Variants in ADCY1 observed in about 807,000 individuals in gnomAD.
The protein encoded by ADCY1 is adenylate cyclase type 1.
Under a neutral mutation model 105.4 loss-of-function variants are expected in ADCY1, and 28 were observed. The observed-to-expected ratio is 0.27, with a 90% confidence interval of 0.20 to 0.36. The LOEUF (loss-of-function observed/expected upper bound fraction) is 0.36. Among genes scored for constraint, ADCY1 ranks in the 10% least tolerant of loss-of-function variants. The probability of loss-of-function intolerance (pLI) is 1.00; values close to 1 mark genes in which losing one functional copy is unlikely to be tolerated. For missense variants in ADCY1, 977 were observed against 1,434.2 expected (o/e 0.68, Z 5.15); for synonymous variants, 655 against 623.8 (o/e 1.05, Z -0.75).
chr7:45,610,768 T>TGGTG lies in ADCY1; in HGVS notation c.908+271_908+272insGGTG, dbSNP rs879886055. Among the ~76,000 whole-genome samples, 4,580 of 141,028 alleles carry TGGTG rather than the reference T, an allele frequency of 0.032. 573 individuals carry two copies. Among genetic ancestry groups the TGGTG allele is most frequent in the East Asian group, 0.036 (165 of 4,544 alleles). The allele number at this position is 141,028 out of a possible 152,430, so 92.5% of individuals were successfully genotyped here. A position where few individuals can be genotyped will look rare whatever the true frequency, so the allele number is the denominator to read the frequency against. ...GGTGATGATGGAGGTGTAGAGGTGATAGTGGAGGTGTGGGGGTGATGGTGG... is the reference window on the plus strand; with the variant it reads ...GGTGATGATGGAGGTGTAGAGGTGATGGTGAGTGGAGGTGTGGGGGTGATGGTGG... On this transcript the variant is annotated intron_variant, in intron 3 of 19. Transcript: ENST00000297323.
intron 2 of ADCY1, among the ~76,000 whole-genome samples, chr7:45,605,242 TTTGTAACATCCA>T (rs1430444904): frequency 6.6e-6 from 1 of 152,168 alleles, no homozygotes; most frequent in Non-Finnish European, 1.5e-5. Flanking sequence ...TGTTTCTGCT[TTTGTAACATCCA>T]TTGTATTTCC....
intron 4 of ADCY1, among the ~76,000 whole-genome samples, chr7:45,635,138 G>GTT (rs59397788): frequency 0.087 from 12,608 of 145,738 alleles, 637 homozygotes; most frequent in South Asian, 0.16. Context: ...AGTGAGGTCA[G>GTT]TTTTTTTTTT....
At chr7:45,652,994 A>G (rs1330895293) in intron 5 of ADCY1, among the ~76,000 whole-genome samples, 1 of 152,186 alleles carries the variant, frequency 6.6e-6, no homozygotes, top group East Asian at 1.9e-4. Flanking sequence ...CTCTCTCTCA[A>G]ACTTGGGCTC....
chr7:45,632,908 C>T (rs1794298117), intron 4 of ADCY1, among the ~76,000 whole-genome samples: 1 of 152,036 alleles, frequency 6.6e-6, no homozygotes, highest in African/African-American at 2.4e-5. Context: ...CAGATTTATT[C>T]CTAAGTAGCT....
chr7:45,690,633 A>G (rs568912041), intron 14 of ADCY1, among the ~76,000 whole-genome samples: 85 of 152,300 alleles, frequency 5.6e-4, no homozygotes, highest in Non-Finnish European at 9.7e-4. Flanking sequence ...CAGATACAGC[A>G]CATACCTGCC....
At chr7:45,610,637 G>T (rs1322873070) in intron 3 of ADCY1, 140 bp downstream of exon 3, 3 of 726,030 alleles carry the variant, frequency 4.1e-6, no homozygotes, top group Non-Finnish European at 4.8e-6. Flanking sequence ...GGAGGTAATG[G>T]TGAAGGTGGG....
At chr7:45,615,396 A>G (rs2115893035) in intron 3 of ADCY1, among the ~76,000 whole-genome samples, 1 of 152,298 alleles carries the variant, frequency 6.6e-6, no homozygotes, top group East Asian at 1.9e-4. Flanking sequence ...TCAGGATTTC[A>G]AGACTAGCCT....
At chr7:45,608,587 C>A (rs1487657905) in intron 2 of ADCY1, among the ~76,000 whole-genome samples, 1 of 152,238 alleles carries the variant, frequency 6.6e-6, no homozygotes, top group Non-Finnish European at 1.5e-5. Context: ...GTCTCCCATG[C>A]TGGGGGCCGT....
At chr7:45,670,011 C>T (rs1336905791) in intron 8 of ADCY1, among the ~76,000 whole-genome samples, 1 of 152,144 alleles carries the variant, frequency 6.6e-6, no homozygotes, top group East Asian at 1.9e-4. Context: ...CTAATTATTT[C>T]AAGAAAGTGA....
intron 8 of ADCY1, among the ~76,000 whole-genome samples, chr7:45,669,844 C>T (rs964982157): frequency 6.6e-6 from 1 of 152,076 alleles, no homozygotes; most frequent in African/African-American, 2.4e-5. Context: ...TTTTGATCTA[C>T]AATAGTATGT....
At chr7:45,611,093 A>G (rs1047004148) in intron 3 of ADCY1, among the ~76,000 whole-genome samples, 6 of 151,542 alleles carry the variant, frequency 4.0e-5, no homozygotes, top group Admixed American at 1.3e-4. Context: ...GTGATGGTGG[A>G]GGTGGGGAGG....
intron 3 of ADCY1, among the ~76,000 whole-genome samples, chr7:45,622,344 G>A (rs142892952): frequency 3.8e-4 from 58 of 152,220 alleles, no homozygotes; most frequent in Admixed American, 7.8e-4. Context: ...AGGGCAGATG[G>A]GCTTTCCCTA....
rs757067984 is a variant in ADCY1 at position 45,720,749 on chromosome 7, C to T, written c.*6754C>T. 1 of 152,220 alleles carries T rather than the reference C, an allele frequency of 6.6e-6. No individual in the cohort carries two copies. Among genetic ancestry groups the T allele is most frequent in the Non-Finnish European group, 1.5e-5 (1 of 68,054 alleles). The allele number at this position is 152,220 out of a possible 1,614,324, so 9.4% of individuals were successfully genotyped here. A position where few individuals can be genotyped will look rare whatever the true frequency, so the allele number is the denominator to read the frequency against. Reference sequence around the variant, plus strand: ...CGCTCTCCCACCTGGTTACCACAGTCTCCATGGGTCTTTTGCCGTGACCAC... The same window carrying T: ...CGCTCTCCCACCTGGTTACCACAGTTTCCATGGGTCTTTTGCCGTGACCAC... On this transcript the variant is annotated 3_prime_UTR_variant, in exon 20 of 20. Transcript: ENST00000297323.
chr7:45,692,688 GC>G (rs1257995354), intron 14 of ADCY1, among the ~76,000 whole-genome samples: 1 of 152,062 alleles, frequency 6.6e-6, no homozygotes. Flanking sequence ...TGTCCTCACC[GC>G]CCCCATCCCA....
intron 5 of ADCY1, among the ~76,000 whole-genome samples, chr7:45,649,068 T>C (rs1264231558): frequency 6.6e-6 from 1 of 152,264 alleles, no homozygotes; most frequent in Non-Finnish European, 1.5e-5. Flanking sequence ...TTGTCAGGTA[T>C]GCATGAGTCA....
At chr7:45,681,375 A>G (rs1410858240) in intron 11 of ADCY1, among the ~76,000 whole-genome samples, 1 of 152,078 alleles carries the variant, frequency 6.6e-6, no homozygotes, top group Non-Finnish European at 1.5e-5. Flanking sequence ...TCTGCCCTGG[A>G]TGCCACTAGC....
intron 17 of ADCY1, among the ~76,000 whole-genome samples, chr7:45,704,953 C>T (rs559848479): frequency 6.6e-6 from 1 of 150,598 alleles, no homozygotes; most frequent in African/African-American, 2.4e-5. Context: ...CCACCTTCCT[C>T]CCTGCTTGCC....
chr7:45,682,006 G>A (rs1221145378), intron 11 of ADCY1, among the ~76,000 whole-genome samples: 1 of 152,174 alleles, frequency 6.6e-6, no homozygotes, highest in African/African-American at 2.4e-5. Flanking sequence ...ATCCCTCGGG[G>A]GTATGTCAAC....
At chr7:45,623,823 C>T (rs1425309568) in intron 4 of ADCY1, among the ~76,000 whole-genome samples, 1 of 152,080 alleles carries the variant, frequency 6.6e-6, no homozygotes, top group Non-Finnish European at 1.5e-5. Context: ...GGAGGGAGTC[C>T]GGTGTCAGGA....
Sources: allele counts gnomAD v4.1 joint callset (sites outside exome capture counted in the v4.1 genomes callset), GRCh38; gene constraint gnomAD v4.1.1; transcripts MANE v1.5; gene names NCBI Gene and HGNC (gene_info 2026-07-23, HGNC 2026-07-21).